Variants in BNIP5 observed in about 807,000 individuals in gnomAD.
BNIP5 encodes the protein protein BNIP5.
Under a neutral mutation model 67.3 loss-of-function variants are expected in BNIP5, and 61 were observed. The observed-to-expected ratio is 0.91, with a 90% CI of 0.74 to 1.12. The LOEUF (loss-of-function observed/expected upper bound fraction) is 1.12, where lower values mean the gene tolerates loss of function less well. BNIP5 is among the 50% of genes most tolerant of loss of function. The probability of loss-of-function intolerance (pLI) is 0.00; values close to 1 mark genes in which losing one functional copy is unlikely to be tolerated. For synonymous variants in BNIP5, 317 were observed against 319.0 expected, an observed-to-expected ratio of 0.99 and a Z score of 0.07; for missense variants, 826 against 816.3, an observed-to-expected ratio of 1.01 and a Z score of -0.14.
At chr6:36,319,735 T>G (rs1335430547) in intron 10 of BNIP5, 125 bp from the exon 11 acceptor site, 1 of 1,091,930 alleles carries the variant, frequency 9.2e-7, no homozygotes, top group Non-Finnish European at 1.3e-6. Flanking sequence ...CTCCCCTTGT[T>G]ACATCCCTCC....
At chr6:36,327,528 G>C (rs1771791854) in intron 3 of BNIP5, among the ~76,000 whole-genome samples, 1 of 152,180 alleles carries the variant, frequency 6.6e-6, no homozygotes, top group African/African-American at 2.4e-5. Context: ...CACTTTGCAA[G>C]GCTAATGTTG....
At chr6:36,321,704 T>G (rs1380041325) in intron 9 of BNIP5, among the ~76,000 whole-genome samples, 2 of 152,204 alleles carry the variant, frequency 1.3e-5, no homozygotes, top group Non-Finnish European at 2.9e-5. Flanking sequence ...TTCAGGAAAT[T>G]TGTGGACTAG....
chr6:36,321,192 G>GC lies in BNIP5; in HGVS notation c.1630dup (p.Ala544GlyfsTer21). 1 of 1,598,282 alleles carries GC rather than the reference G, an allele frequency of 6.3e-7. No individual in the cohort carries two copies. The highest frequency in any genetic ancestry group is 8.5e-7 in the Non-Finnish European group (1 of 1,171,872). ...TTGGCCATCCACTTCTTGGAGAAGTGCCACAAGCTTCTGGATGATGATCTC... is the reference window on the plus strand; with the variant it reads ...TTGGCCATCCACTTCTTGGAGAAGTGCCCACAAGCTTCTGGATGATGATCTC... On this transcript the variant is annotated frameshift_variant, in exon 10 of 12. Coordinates refer to ENST00000437635, the MANE Select transcript of BNIP5 (RefSeq NM_001010903.5). LOFTEE classifies it high-confidence loss of function.
At chr6:36,321,792 C>T (rs947681537) in intron 9 of BNIP5, among the ~76,000 whole-genome samples, 4 of 152,222 alleles carry the variant, frequency 2.6e-5, no homozygotes, top group East Asian at 1.9e-4. Flanking sequence ...ACTGCAACCT[C>T]GGCCTCCTGG....
intron 6 of BNIP5, among the ~76,000 whole-genome samples, chr6:36,324,578 TATATATATATATATATATATATATA>T (rs1771717192): frequency 1.6e-3 from 3 of 1,822 alleles, no homozygotes; most frequent in African/African-American, 4.4e-3. Flanking sequence ...GGTGATATTA[TATATATATATATATATATATATATA>T]TATATATATA....
In BNIP5 at chr6:36,323,278, A is replaced by G. The variant is rs1771675893; in HGVS notation, c.1471+15T>C. On this transcript the variant is annotated intron_variant, in intron 8 of 11. Transcript: ENST00000437635. ...AGGAAGCCTCTGTTACCATGGCAAC[A>G]CCAGGCCTGCTCACCAAGGCTGCTG... is the stretch of plus-strand genomic sequence containing the variant. The G allele has an allele frequency of 6.2e-7, 1 of 1,614,028 alleles. No individual in the cohort carries two copies. The highest frequency in any genetic ancestry group is 1.1e-5 in the South Asian group (1 of 91,064).
chr6:36,330,356 G>A lies in BNIP5; in HGVS notation c.335C>T (p.Pro112Leu). 1 of 1,614,092 alleles carries A rather than the reference G, an allele frequency of 6.2e-7. No individual in the cohort carries two copies. Among genetic ancestry groups the A allele is most frequent in the African/African-American group, 1.3e-5 (1 of 75,006 alleles). The change falls in exon 2 of 12, where the codon CCT becomes CTT. Residue 112 changes from proline (P) to leucine (L), a missense_variant. Coordinates refer to ENST00000437635, the MANE Select transcript of BNIP5 (RefSeq NM_001010903.5). Reference protein sequence around the residue: ...TMLNFFVRTGPEEPREKASRR... With the variant: ...TMLNFFVRTGLEEPREKASRR... ...GCTGGCCTTTTCTCTGGGCTCCTCA[G>A]GGCCCGTCCTCACGAAGAAGTTCAG...
chr6:36,329,829 AAGAG>A (rs140553637), intron 2 of BNIP5, among the ~76,000 whole-genome samples: 11 of 151,018 alleles, frequency 7.3e-5, no homozygotes, highest in African/African-American at 2.7e-4. Context: ...GAAAGAAAGG[AAGAG>A]AGAGAGAGAA....
At chr6:36,317,972 T>A (rs765075362) in intron 11 of BNIP5, among the ~76,000 whole-genome samples, 1 of 152,190 alleles carries the variant, frequency 6.6e-6, no homozygotes, top group Non-Finnish European at 1.5e-5. Flanking sequence ...ATCTGTAACA[T>A]TCCTATTCTC....
In BNIP5 at chr6:36,319,466, C is replaced by T. The variant is rs763896981; in HGVS notation, c.1813G>A (p.Val605Ile). ...CCAGCAAATTTGTTAGCTAAGCTAA[C>T]GTCAAACTGGTAGAGTCTCCTGGCG... Reference protein sequence around the residue: ...NRARRLYQFDVSLANKFAGSN... With the variant: ...NRARRLYQFDISLANKFAGSN... The change falls in exon 11 of 12, where the codon GTT (valine) becomes ATT (isoleucine). Residue 605 changes from valine to isoleucine, a missense_variant. Val to Ile is a conservative substitution (Grantham distance 29). Transcript: ENST00000437635. 9.9e-6 allele frequency: 16 copies of T among 1,614,142 alleles called. No homozygotes were observed. The highest frequency in any genetic ancestry group is 3.3e-5 in the South Asian group (3 of 91,068).
At position 36,330,483 on chromosome 6, in the gene BNIP5, A is replaced by G; in HGVS notation, c.208T>C (p.Cys70Arg). Residue 70 changes from cysteine (C) to arginine (R), a missense_variant, in exon 2 of 12, where the codon TGC becomes CGC. Coordinates refer to ENST00000437635, the MANE Select transcript of BNIP5 (RefSeq NM_001010903.5). Reference protein sequence around the residue: ...DSPAPSAEAHCTTAAAPTPEE... With the variant: ...DSPAPSAEAHRTTAAAPTPEE... ...GGAGTGGGGGCTGCAGCGGTGGTGC[A>G]GTGAGCCTCTGCAGATGGAGCTGGG... The G allele has an allele frequency of 6.2e-7, 1 of 1,614,134 alleles. No homozygotes were observed. The highest frequency in any genetic ancestry group is 8.5e-7 in the Non-Finnish European group (1 of 1,180,006).
chr6:36,335,264 C>T (rs1374916875), intron 1 of BNIP5, among the ~76,000 whole-genome samples: 1 of 152,182 alleles, frequency 6.6e-6, no homozygotes, highest in African/African-American at 2.4e-5. Flanking sequence ...TGCTCTGGTG[C>T]CTTTCATGGA....
intron 8 of BNIP5, 101 bp downstream of exon 8, chr6:36,323,192 G>T: frequency 6.7e-7 from 1 of 1,498,274 alleles, no homozygotes; most frequent in Non-Finnish European, 9.1e-7. Flanking sequence ...AGCAACAGTG[G>T]ACATCCTCCA....
rs777692874 is a variant in BNIP5 at position 36,316,564 on chromosome 6, C to A, written c.*792G>T. On this transcript the variant is annotated 3_prime_UTR_variant, in exon 12 of 12. Transcript: ENST00000437635. ...TGCACCCCTGTGCAACAATCCATGG[C>A]AGTCCAGCCCATTGAAGCCCTCCTC... The A allele has an allele frequency of 1.0e-5, 4 of 398,630 alleles. No individual in the cohort carries two copies. The highest frequency in any genetic ancestry group is 1.8e-5 in the Non-Finnish European group (4 of 226,142). 24.7% of individuals were successfully genotyped at this position (398,630 alleles called of 1,614,324 possible). A position where few individuals can be genotyped will look rare whatever the true frequency, so the allele number is the denominator to read the frequency against.
chr6:36,331,767 C>T (rs6457898), intron 1 of BNIP5, among the ~76,000 whole-genome samples: 39,352 of 152,022 alleles, frequency 0.26, 6,186 homozygotes, highest in African/African-American at 0.44. Context: ...TGGGCTCAAG[C>T]GATCAACCTA....
In BNIP5 at chr6:36,323,628, G is replaced by A. The variant is rs540474605; in HGVS notation, c.1231-95C>T. The A allele has an allele frequency of 2.6e-4, 362 of 1,397,652 alleles. No homozygotes were observed. In the African/African-American group the frequency reaches 2.9e-3, roughly 11 times the overall value. The allele number at this position is 1,397,652 out of a possible 1,614,324, so 86.6% of individuals were successfully genotyped here. On this transcript the variant is annotated intron_variant, in intron 7 of 11. Transcript: ENST00000437635. The stretch of plus-strand genomic sequence containing the variant: ...AGAGAGCCACGGTGGGCTAGCAGGC[G>A]TTGCCCAGAGAAGAGTGGTTGATGC...
chr6:36,324,241 T>C, intron 6 of BNIP5, 51 bp from the exon 7 acceptor site: 1 of 1,520,854 alleles, frequency 6.6e-7, no homozygotes, highest in Non-Finnish European at 9.1e-7. Context: ...AAATCTCTTC[T>C]GCGGTCAGTC....
At chr6:36,332,615 C>A (rs1218726816) in intron 1 of BNIP5, among the ~76,000 whole-genome samples, 3 of 152,160 alleles carry the variant, frequency 2.0e-5, no homozygotes, top group Non-Finnish European at 4.4e-5. Context: ...AACATGAAAT[C>A]AGTGCTTTCG....
chr6:36,316,467 C>CATG lies in BNIP5; in HGVS notation c.*886_*888dup. ...TTACTGCTACCAGCTGCAAAACTGT[C>CATG]ATGATAAATCTACAAATCCACAATG... On this transcript the variant is annotated 3_prime_UTR_variant, in exon 12 of 12. Transcript: ENST00000437635. The CATG allele has an allele frequency of 2.5e-6, 1 of 398,538 alleles. No individual in the cohort carries two copies. Among genetic ancestry groups the CATG allele is most frequent in the Non-Finnish European group, 4.4e-6 (1 of 226,076 alleles). 24.7% of individuals were successfully genotyped at this position (398,538 alleles called of 1,614,324 possible).
Sources: gnomAD v4.1 joint callset for allele counts (sites outside exome capture counted in the v4.1 genomes callset) on GRCh38, gnomAD v4.1.1 for gene constraint, MANE v1.5 for transcripts, NCBI Gene and HGNC (gene_info 2026-07-23, HGNC 2026-07-21) for gene names.